ITCH: variants seen among roughly 807,000 people sequenced by gnomAD.
ITCH encodes E3 ubiquitin-protein ligase Itchy homolog.
In ITCH, 28 loss-of-function variants were observed where a neutral mutation model predicts 126.8. The observed-to-expected ratio is 0.22, with a 90% CI of 0.16 to 0.30. The LOEUF is 0.30. Ranked by LOEUF, ITCH falls within the 10% of genes least tolerant of loss-of-function variation. The probability of loss-of-function intolerance (pLI) is 1.00; values close to 1 mark genes in which losing one functional copy is unlikely to be tolerated. For synonymous variants in ITCH, 342 were observed against 340.0 expected (o/e 1.01, Z -0.06); for missense variants, 631 against 1,032.4 (o/e 0.61, Z 5.33).
chr20:34,480,682 G>A lies in ITCH; in HGVS notation c.1902G>A (p.Lys634=), dbSNP rs1988666737. ...TCTTGAACAAACCAGTTGGACTCAA[G>A]GATTTAGAATCTATTGATCCAGAAT... ...KRILNKPVGL[K]DLESIDPEFY... Residue 634 remains lysine (K), a synonymous_variant, in exon 19 of 25, where the codon AAG becomes AAA. Transcript: ENST00000374864. 1 of 1,611,838 alleles carries A rather than the reference G, an allele frequency of 6.2e-7. No individual in the cohort carries two copies. The highest frequency in any genetic ancestry group is 1.3e-5 in the African/African-American group (1 of 74,866).
chr20:34,447,959 C>A lies in ITCH; in HGVS notation c.1141-1452C>A, dbSNP rs141914580. On this transcript the variant is annotated intron_variant, in intron 11 of 24. Transcript: ENST00000374864. The stretch of plus-strand genomic sequence containing the variant: ...CTATATTGAGATTTAAGAGAAACAA[C>A]CAAATGTAACGTAAGGACTTTGTTT... Among the ~76,000 whole-genome samples, 14 of 152,228 alleles carry A rather than the reference C, an allele frequency of 9.2e-5. No homozygotes were observed. In the East Asian group the frequency reaches 2.7e-3, roughly 29 times the overall value.
intron 2 of ITCH, among the ~76,000 whole-genome samples, chr20:34,392,748 G>T (rs898191920): frequency 6.6e-6 from 1 of 151,978 alleles, no homozygotes; most frequent in Non-Finnish European, 1.5e-5. Context: ...GTCTTCCTCT[G>T]TTGCCCAGGC....
At chr20:34,423,359 G>T (rs973972120) in intron 6 of ITCH, among the ~76,000 whole-genome samples, 3 of 152,238 alleles carry the variant, frequency 2.0e-5, no homozygotes, top group Admixed American at 6.5e-5. Flanking sequence ...GCTAAGTATG[G>T]TATAGTATAG....
chr20:34,417,405 T>C (rs990180271), intron 6 of ITCH, among the ~76,000 whole-genome samples: 4 of 147,380 alleles, frequency 2.7e-5, no homozygotes, highest in African/African-American at 1.0e-4. Context: ...GCTGACTTTT[T>C]TTTTTTTTTT....
At position 34,449,432 on chromosome 20, in the gene ITCH, T is replaced by C. The variant is rs766018655; in HGVS notation, c.1162T>C (p.Ser388Pro). 6 of 1,611,324 alleles carry C rather than the reference T, an allele frequency of 3.7e-6. No individual in the cohort carries two copies. The highest frequency in any genetic ancestry group is 2.2e-5 in the East Asian group (1 of 44,844). Residue 388 changes from serine to proline, a missense_variant, in exon 12 of 25, where the codon TCA (serine) becomes CCA (proline). This residue lies in a region of ITCH where 390 missense variants were observed against 731.6 expected (regional missense o/e 0.53). Transcript: ENST00000374864. ...TTAGAATCAAGATTTATTTGCTACA[T>C]CACAAAGTAAAGAATTTGATCCTCT... ...IYGNQDLFAT[S>P]QSKEFDPLGP...
chr20:34,507,275 T>G (rs1258034413), intron 24 of ITCH, among the ~76,000 whole-genome samples: 11 of 85,070 alleles, frequency 1.3e-4, no homozygotes, highest in East Asian at 5.8e-4. Context: ...TTTTTTTTTT[T>G]TTTTTTTTTT....
intron 2 of ITCH, among the ~76,000 whole-genome samples, chr20:34,385,452 T>C (rs73255063): frequency 0.019 from 2,954 of 152,124 alleles, 88 homozygotes; most frequent in African/African-American, 0.059. Flanking sequence ...AAGAGAACAA[T>C]ACTTATAGTA....
chr20:34,465,684 ATTGT>A (rs1234880051), intron 14 of ITCH, among the ~76,000 whole-genome samples: 1 of 151,968 alleles, frequency 6.6e-6, no homozygotes, highest in African/African-American at 2.4e-5. Context: ...TGTAAATGGA[ATTGT>A]TATCTTAATT....
At chr20:34,375,696 A>ATTTTTTTTTTTTTTTTTTTTTT (rs5841171) in intron 2 of ITCH, among the ~76,000 whole-genome samples, 2 of 65,524 alleles carry the variant, frequency 3.1e-5, no homozygotes, top group Non-Finnish European at 5.3e-5. Flanking sequence ...GGTAGTTAAA[A>ATTTTTTTTTTTTTTTTTTTTTT]TTTTTTTTTT....
intron 3 of ITCH, among the ~76,000 whole-genome samples, chr20:34,396,206 G>A (rs957464263): frequency 5.3e-4 from 81 of 151,660 alleles, no homozygotes; most frequent in African/African-American, 1.9e-3. Context: ...GCTAATTTTT[G>A]TATTTTTAGT....
At chr20:34,495,698 T>A (rs996801495) in intron 23 of ITCH, among the ~76,000 whole-genome samples, 4 of 152,060 alleles carry the variant, frequency 2.6e-5, no homozygotes, top group Non-Finnish European at 4.4e-5. Flanking sequence ...TATGGACACA[T>A]AAGTTGATTC....
intron 23 of ITCH, among the ~76,000 whole-genome samples, chr20:34,496,373 A>G (rs1022368186): frequency 3.9e-5 from 6 of 152,146 alleles, no homozygotes; most frequent in Non-Finnish European, 5.9e-5. Context: ...TTGTTTGCAT[A>G]TACTTTCTCC....
At chr20:34,427,335 C>T (rs1408792738) in intron 7 of ITCH, among the ~76,000 whole-genome samples, 1 of 152,140 alleles carries the variant, frequency 6.6e-6, no homozygotes, top group Non-Finnish European at 1.5e-5. Context: ...CCTGTAATCC[C>T]AGCATTTTGG....
At chr20:34,429,884 A>T (rs1248254393) in intron 7 of ITCH, among the ~76,000 whole-genome samples, 1 of 152,222 alleles carries the variant, frequency 6.6e-6, no homozygotes, top group Non-Finnish European at 1.5e-5. Flanking sequence ...ACCTTAAAAC[A>T]GAGCTATAAA....
In ITCH at chr20:34,480,920, T is replaced by C. The variant is rs1342635027; in HGVS notation, c.1953-146T>C. On this transcript the variant is annotated intron_variant, in intron 19 of 24. Coordinates refer to ENST00000374864, the MANE Select transcript of ITCH (RefSeq NM_031483.7). Reference sequence around the variant, plus strand: ...ACACCCAAGATCTTCGGCAATAATATGACCTTAGAACAGAATCTTATTTCT... The same window carrying C: ...ACACCCAAGATCTTCGGCAATAATACGACCTTAGAACAGAATCTTATTTCT... 5.8e-6 allele frequency: 6 copies of C among 1,031,520 alleles called. No individual in the cohort carries two copies. In the Admixed American group the frequency reaches 7.7e-5, roughly 13 times the overall value. The allele number at this position is 1,031,520 out of a possible 1,614,324, so 63.9% of individuals were successfully genotyped here. A position where few individuals can be genotyped will look rare whatever the true frequency, so the allele number is the denominator to read the frequency against.
Position 34,507,772 on chromosome 20 carries a change from CAG to C in ITCH, c.2569_2570del (p.Glu857ArgfsTer47). ...AAGCTGTTGTTTGCCATAGAAGAAA[CAG>C]AAGGATTTGGACAAGAGTAACTTCT... On this transcript the variant is annotated frameshift_variant, in exon 25 of 25. Transcript: ENST00000374864. LOFTEE classifies it high-confidence loss of function. 1.2e-6 allele frequency: 2 copies of C among 1,613,738 alleles called. No homozygotes were observed. The highest frequency in any genetic ancestry group is 1.7e-6 in the Non-Finnish European group (2 of 1,179,700).
At position 34,440,144 on chromosome 20, in the gene ITCH, A is replaced by G. The variant is rs1983549004; in HGVS notation, c.680-11A>G. 6.3e-7 allele frequency: 1 copy of G among 1,599,172 alleles called. No homozygotes were observed. Among genetic ancestry groups the G allele is most frequent in the Non-Finnish European group, 8.6e-7 (1 of 1,166,536 alleles). Reference sequence around the variant, plus strand: ...AAGATTCTTTTCCTATTTTCCCCAAATCTTTTATAGCATCTGTCAATGGTT... The same window carrying G: ...AAGATTCTTTTCCTATTTTCCCCAAGTCTTTTATAGCATCTGTCAATGGTT... On this transcript the variant is annotated splice_polypyrimidine_tract_variant and intron_variant, in intron 8 of 24. Coordinates refer to ENST00000374864, the MANE Select transcript of ITCH (RefSeq NM_031483.7).
intron 6 of ITCH, among the ~76,000 whole-genome samples, chr20:34,414,401 G>C (rs1015163126): frequency 1.7e-4 from 23 of 133,166 alleles, no homozygotes; most frequent in Admixed American, 8.7e-4. Flanking sequence ...GCCAATGGCA[G>C]ACAGAGTTTA....
At chr20:34,410,330 G>A (rs1978817476) in intron 4 of ITCH, among the ~76,000 whole-genome samples, 1 of 151,298 alleles carries the variant, frequency 6.6e-6, no homozygotes, top group Admixed American at 6.6e-5. Flanking sequence ...AACTGAGATC[G>A]TGCCATTGCG....
Sources: gnomAD v4.1 joint callset for allele counts (sites outside exome capture counted in the v4.1 genomes callset) on GRCh38, gnomAD v4.1.1 for gene constraint, gnomAD v4.1.1 regional missense constraint, MANE v1.5 for transcripts, NCBI Gene and HGNC (gene_info 2026-07-23, HGNC 2026-07-21) for gene names.